The following NTM variants were observed in gnomAD, a reference collection of about 807,000 sequenced individuals.
NTM encodes neurotrimin, also known as IgLON family member 2.
Under a neutral mutation model 42.1 loss-of-function variants are expected in NTM, and 13 were observed. The ratio of observed to expected loss-of-function variants is 0.31; its 90% confidence interval spans 0.20 to 0.49. The LOEUF is 0.49. Among genes scored for constraint, NTM ranks in the 20% least tolerant of loss-of-function variants. NTM has a pLI of 0.99. For synonymous variants in NTM, 187 were observed against 179.2 expected (o/e 1.04, Z -0.35); for missense variants, 373 against 452.8 (o/e 0.82, Z 1.60).
chr11:131,788,869 G>T (rs887853510), intron 1 of NTM, among the ~76,000 whole-genome samples: 1 of 151,054 alleles, frequency 6.6e-6, no homozygotes, highest in Non-Finnish European at 1.5e-5. Context: ...ACATTCTCGG[G>T]CAATCTCTCC....
intron 1 of NTM, among the ~76,000 whole-genome samples, chr11:131,708,348 A>G (rs2076792554): frequency 6.6e-6 from 1 of 152,160 alleles, no homozygotes; most frequent in African/African-American, 2.4e-5. Flanking sequence ...TTAAATTAAT[A>G]TAAAATTTAG....
At chr11:131,482,873 T>G (rs1953759742) in intron 1 of NTM, among the ~76,000 whole-genome samples, 1 of 152,000 alleles carries the variant, frequency 6.6e-6, no homozygotes, top group Non-Finnish European at 1.5e-5. Flanking sequence ...ATGGGTGTGA[T>G]TTGTGTGGGG....
At chr11:131,608,540 C>G (rs1038984296) in intron 1 of NTM, among the ~76,000 whole-genome samples, 1 of 152,204 alleles carries the variant, frequency 6.6e-6, no homozygotes, top group Non-Finnish European at 1.5e-5. Context: ...GTGACAGGCC[C>G]TGACAGCCTC....
intron 1 of NTM, among the ~76,000 whole-genome samples, chr11:131,709,098 G>A: frequency 6.6e-6 from 1 of 152,180 alleles, no homozygotes. Context: ...CATTGCTGGT[G>A]TGTTCAAGAA....
At chr11:131,865,086 T>A (rs1198789009) in intron 1 of NTM, among the ~76,000 whole-genome samples, 1 of 152,210 alleles carries the variant, frequency 6.6e-6, no homozygotes, top group Non-Finnish European at 1.5e-5. Flanking sequence ...ACATGCTTCA[T>A]TTTCTGGGCT....
intron 2 of NTM, among the ~76,000 whole-genome samples, chr11:132,098,226 A>C (rs1591497085): frequency 6.6e-6 from 1 of 152,262 alleles, no homozygotes; most frequent in Admixed American, 6.5e-5. Context: ...AGAGCCAAAC[A>C]GTGTAACTTT....
At chr11:131,936,363 T>A (rs1464468147) in intron 2 of NTM, among the ~76,000 whole-genome samples, 1 of 152,194 alleles carries the variant, frequency 6.6e-6, no homozygotes, top group African/African-American at 2.4e-5. Context: ...TTGAGAGCCT[T>A]CTGTGGAAGT....
chr11:131,817,612 C>T (rs1269283553), intron 1 of NTM, among the ~76,000 whole-genome samples: 1 of 152,214 alleles, frequency 6.6e-6, no homozygotes, highest in Admixed American at 6.5e-5. Context: ...TCAAGGAATA[C>T]TCAGAGTTTT....
At chr11:131,650,298 G>A (rs1289236391) in intron 1 of NTM, among the ~76,000 whole-genome samples, 1 of 152,192 alleles carries the variant, frequency 6.6e-6, no homozygotes, top group Non-Finnish European at 1.5e-5. Flanking sequence ...ATCCTCACAG[G>A]TGTGCTAGTC....
chr11:131,572,163 C>T (rs1175572598), intron 1 of NTM, among the ~76,000 whole-genome samples: 1 of 152,190 alleles, frequency 6.6e-6, no homozygotes, highest in Non-Finnish European at 1.5e-5. Flanking sequence ...CATAGGCACA[C>T]ACAGGGCAGC....
intron 2 of NTM, among the ~76,000 whole-genome samples, chr11:131,975,513 A>G (rs1276355593): frequency 1.3e-5 from 2 of 151,946 alleles, no homozygotes; most frequent in East Asian, 3.9e-4. Flanking sequence ...AGTCTTCTAG[A>G]TTTATAAGCC....
chr11:131,695,493 G>C lies in NTM; in HGVS notation c.83-216071G>C, dbSNP rs181973716. The stretch of plus-strand genomic sequence containing the variant: ...GGTTTTATAAATGCAATTCAGAGAA[G>C]TTACATGATTTTCCAGGAAATGAGG... On this transcript the variant is annotated intron_variant, in intron 1 of 8. Coordinates refer to ENST00000683400, the MANE Select transcript of NTM (RefSeq NM_001352005.2). 2.7e-3 allele frequency among the ~76,000 whole-genome samples: 411 copies of C among 152,320 alleles called. 1 individual carries two copies. Among genetic ancestry groups the C allele is most frequent in the African/African-American group, 9.2e-3 (383 of 41,574 alleles).
At chr11:131,792,491 T>C (rs897360161) in intron 1 of NTM, among the ~76,000 whole-genome samples, 1 of 152,184 alleles carries the variant, frequency 6.6e-6, no homozygotes, top group African/African-American at 2.4e-5. Context: ...ATTCCCACTC[T>C]ACACCTTGGG....
chr11:131,500,556 T>TATATATATATATATATATAC (rs2046624727), intron 1 of NTM, among the ~76,000 whole-genome samples: 3 of 22,192 alleles, frequency 1.4e-4, no homozygotes, highest in African/African-American at 6.3e-4. Flanking sequence ...TATATATATA[T>TATATATATATATATATATAC]ATATATATAT....
rs150987995 is a variant in NTM, at chr11:131,785,278, G to A, written c.83-126286G>A. On this transcript the variant is annotated intron_variant, in intron 1 of 8. Coordinates refer to ENST00000683400, the MANE Select transcript of NTM (RefSeq NM_001352005.2). ...ACAGGCAGAGTGAAAACACCTGAAAGCACCTGAGCCATGGTGAGGCCAGCG... is the reference window on the plus strand; with the variant it reads ...ACAGGCAGAGTGAAAACACCTGAAAACACCTGAGCCATGGTGAGGCCAGCG... Among the ~76,000 whole-genome samples the A allele has an allele frequency of 5.4e-4, 83 of 152,318 alleles. 1 individual carries two copies. The highest frequency in any genetic ancestry group is 1.9e-3 in the African/African-American group (79 of 41,566).
At chr11:131,575,431 T>C (rs1371711704) in intron 1 of NTM, among the ~76,000 whole-genome samples, 1 of 152,196 alleles carries the variant, frequency 6.6e-6, no homozygotes, top group Non-Finnish European at 1.5e-5. Context: ...ATTATTTATA[T>C]GGCAGTACAC....
rs936241367 is a variant in NTM at position 132,310,149 on chromosome 11, C to A, written c.699C>A (p.Val233=). The A allele has an allele frequency of 1.9e-6, 3 of 1,610,624 alleles. No individual in the cohort carries two copies. In the Admixed American group the frequency reaches 5.0e-5, roughly 27 times the overall value. Residue 233 remains valine, a synonymous_variant, in exon 6 of 9, where the codon GTC becomes GTA. Transcript: ENST00000683400. ...PYISEAKGTG[V]PVGQKGTLQC... ...TTTCAGAAGCCAAGGGTACAGGTGT[C>A]CCCGTGGGACAAAAGGGGACACTGC...
intron 4 of NTM, among the ~76,000 whole-genome samples, chr11:132,291,376 C>T (rs55649484): frequency 0.12 from 17,486 of 151,398 alleles, 1,305 homozygotes; most frequent in Non-Finnish European, 0.17. Flanking sequence ...GGTAAAGGTG[C>T]CATTTATGAA....
intron 1 of NTM, among the ~76,000 whole-genome samples, chr11:131,908,205 A>G (rs1408610584): frequency 6.6e-6 from 1 of 152,220 alleles, no homozygotes; most frequent in East Asian, 1.9e-4. Context: ...CTGCATGCAG[A>G]CTGGTAGAAA....
Sources: allele counts gnomAD v4.1 joint callset (sites outside exome capture counted in the v4.1 genomes callset), GRCh38; gene constraint gnomAD v4.1.1; transcripts MANE v1.5; gene names NCBI Gene and HGNC (gene_info 2026-07-23, HGNC 2026-07-21).